Variants in FOXK2 observed in about 807,000 individuals in gnomAD.
The protein encoded by FOXK2 is forkhead box protein K2.
Under a neutral mutation model 53.3 loss-of-function variants are expected in FOXK2, and 24 were observed. That is an observed-to-expected ratio of 0.45 (90% CI 0.33 to 0.63). The LOEUF (loss-of-function observed/expected upper bound fraction) is 0.63, where lower values mean the gene tolerates loss of function less well. Among genes scored for constraint, FOXK2 ranks in the 30% least tolerant of loss-of-function variants. The pLI is 0.03. For synonymous variants in FOXK2, 505 were observed against 407.1 expected, an observed-to-expected ratio of 1.24 and a Z score of -2.89; for missense variants, 952 against 910.5, an observed-to-expected ratio of 1.05 and a Z score of -0.59.
intron 7 of FOXK2, among the ~76,000 whole-genome samples, 163 bp downstream of exon 7, chr17:82,586,363 A>T (rs113828814): frequency 2.9e-4 from 30 of 104,214 alleles, no homozygotes; most frequent in African/African-American, 4.2e-4. Context: ...CGGAGGGGAA[A>T]GGAGGAGAGG....
At chr17:82,583,989 A>G (rs1370628923) in intron 5 of FOXK2, 24 bp from the exon 6 acceptor site, 1 of 1,566,232 alleles carries the variant, frequency 6.4e-7, no homozygotes, top group East Asian at 2.3e-5. Context: ...GTAACCATGC[A>G]ATGTCTTCTT....
chr17:82,534,586 C>T (rs2044503060), intron 1 of FOXK2, among the ~76,000 whole-genome samples: 1 of 152,120 alleles, frequency 6.6e-6, no homozygotes, highest in African/African-American at 2.4e-5. Context: ...TGGAGGAGAC[C>T]CTCCTGGGAC....
chr17:82,527,078 A>T (rs577392598), intron 1 of FOXK2, among the ~76,000 whole-genome samples: 1 of 152,224 alleles, frequency 6.6e-6, no homozygotes, highest in East Asian at 1.9e-4. Context: ...CAAGCTTGTG[A>T]GTGGAGCTGA....
At chr17:82,592,326 C>T (rs1377223129) in intron 8 of FOXK2, among the ~76,000 whole-genome samples, 1 of 152,222 alleles carries the variant, frequency 6.6e-6, no homozygotes, top group African/African-American at 2.4e-5. Flanking sequence ...CATATTGACT[C>T]CTCCGGCCTC....
chr17:82,522,922 G>A lies in FOXK2; in HGVS notation c.419+2615G>A, dbSNP rs145284926. On this transcript the variant is annotated intron_variant, in intron 1 of 8. Coordinates refer to ENST00000335255, the MANE Select transcript of FOXK2 (RefSeq NM_004514.4). ...CAATTCTTGTGCCTCAGCCTCCTGA[G>A]TAGCTGGGATTACAGGCACACGCCA... Among the ~76,000 whole-genome samples the A allele has an allele frequency of 9.7e-3, 1,477 of 152,196 alleles. 22 individuals carry two copies. Among genetic ancestry groups the A allele is most frequent in the African/African-American group, 0.033 (1,375 of 41,506 alleles).
At chr17:82,536,690 C>G (rs1032692124) in intron 1 of FOXK2, among the ~76,000 whole-genome samples, 28 of 152,164 alleles carry the variant, frequency 1.8e-4, no homozygotes, top group African/African-American at 6.3e-4. Flanking sequence ...AGCTCGAGGC[C>G]GAGGAGGTCT....
chr17:82,537,082 T>C (rs980025456), intron 1 of FOXK2, among the ~76,000 whole-genome samples: 3 of 152,124 alleles, frequency 2.0e-5, no homozygotes, highest in Non-Finnish European at 4.4e-5. Context: ...AGCGGTTGGT[T>C]GTAGAAGGTT....
chr17:82,591,108 G>A (rs112412580), intron 8 of FOXK2, among the ~76,000 whole-genome samples: 9 of 152,296 alleles, frequency 5.9e-5, no homozygotes, highest in South Asian at 4.1e-4. Flanking sequence ...AGGATGTTCC[G>A]GCCATGCACT....
intron 8 of FOXK2, chr17:82,595,873 T>C: frequency 7.8e-7 from 1 of 1,287,214 alleles, no homozygotes; most frequent in South Asian, 1.2e-5. Flanking sequence ...GACCAGCAGG[T>C]GCTTCTGGAG....
intron 2 of FOXK2, among the ~76,000 whole-genome samples, chr17:82,563,909 G>A (rs1266310184): frequency 1.4e-5 from 2 of 143,450 alleles, no homozygotes; most frequent in Non-Finnish European, 3.1e-5. Context: ...CCACCACCAC[G>A]CCCACCTAAT....
In FOXK2 at chr17:82,556,010, A is replaced by G. The variant is rs544587003; in HGVS notation, c.420-7344A>G. ...CCACATTTTGCTCATTTCTACATCCATCTGCATGGACGGCTTTTATTTTTT... is the reference window on the plus strand; with the variant it reads ...CCACATTTTGCTCATTTCTACATCCGTCTGCATGGACGGCTTTTATTTTTT... On this transcript the variant is annotated intron_variant, in intron 1 of 8. Transcript: ENST00000335255. Among the ~76,000 whole-genome samples the G allele has an allele frequency of 7.3e-5, 11 of 151,494 alleles. No homozygotes were observed. The Middle Eastern group carries it at 0.014, about 193-fold the overall frequency.
At chr17:82,571,902 G>A in intron 4 of FOXK2, 32 bp downstream of exon 4, 2 of 1,510,080 alleles carry the variant, frequency 1.3e-6, no homozygotes, top group South Asian at 1.3e-5. Context: ...TTAAATAGAG[G>A]CTGATGGATA....
chr17:82,519,903 G>A lies in FOXK2; in HGVS notation c.15G>A (p.Ala5=). 1.0e-6 allele frequency: 1 copy of A among 978,222 alleles called. No homozygotes were observed. Among genetic ancestry groups the A allele is most frequent in the Non-Finnish European group, 1.2e-6 (1 of 827,154 alleles). The allele number at this position is 978,222 out of a possible 1,614,324, so 60.6% of individuals were successfully genotyped here. ...CACGCAGGCCCATGGCGGCGGCCGC[G>A]GCGGCGCTCTCGGGCGCGGGCACGC... MAAA[A]AALSGAGTPP... is the part of the protein sequence containing the mutation. Residue 5 remains alanine, a synonymous_variant, in exon 1 of 9, where the codon GCG becomes GCA. Coordinates refer to ENST00000335255, the MANE Select transcript of FOXK2 (RefSeq NM_004514.4).
At chr17:82,537,786 G>A (rs1446949342) in intron 1 of FOXK2, among the ~76,000 whole-genome samples, 1 of 151,862 alleles carries the variant, frequency 6.6e-6, no homozygotes, top group African/African-American at 2.4e-5. Flanking sequence ...GCCGGGCGTG[G>A]TGGTACACGC....
chr17:82,596,001 A>G lies in FOXK2; in HGVS notation c.1787-5302A>G, dbSNP rs980485739. On this transcript the variant is annotated intron_variant, in intron 8 of 8. Coordinates refer to ENST00000335255, the MANE Select transcript of FOXK2 (RefSeq NM_004514.4). Reference sequence around the variant, plus strand: ...TCCGAGTCAGCGTAGGAGAAAGGCCACTGGAAACCAGAGTCACACTGCGCG... The same window carrying G: ...TCCGAGTCAGCGTAGGAGAAAGGCCGCTGGAAACCAGAGTCACACTGCGCG... 1.0e-5 allele frequency: 12 copies of G among 1,157,918 alleles called. No individual in the cohort carries two copies. In the Admixed American group the frequency reaches 1.1e-4, roughly 11 times the overall value. The allele number at this position is 1,157,918 out of a possible 1,614,324, so 71.7% of individuals were successfully genotyped here.
chr17:82,530,741 T>C (rs974958434), intron 1 of FOXK2, among the ~76,000 whole-genome samples: 7 of 152,130 alleles, frequency 4.6e-5, no homozygotes, highest in Non-Finnish European at 8.8e-5. Context: ...AACTCCTGAC[T>C]GCAGGTGATT....
intron 5 of FOXK2, among the ~76,000 whole-genome samples, chr17:82,583,781 G>A (rs903367038): frequency 6.6e-6 from 1 of 152,220 alleles, no homozygotes; most frequent in Admixed American, 6.5e-5. Context: ...GCCGTGCCGC[G>A]TATGTGGGTG....
chr17:82,581,991 C>T (rs1281186092), intron 4 of FOXK2, among the ~76,000 whole-genome samples: 2 of 152,162 alleles, frequency 1.3e-5, no homozygotes, highest in African/African-American at 4.8e-5. Flanking sequence ...TCCTCTCTTC[C>T]TGGAAGATGG....
chr17:82,571,375 C>T (rs1416797839), intron 3 of FOXK2, among the ~76,000 whole-genome samples: 4 of 152,228 alleles, frequency 2.6e-5, no homozygotes, highest in Admixed American at 6.5e-5. Flanking sequence ...CCGAGGCAGG[C>T]GGATCACCTG....
Sources: allele counts gnomAD v4.1 joint callset (sites outside exome capture counted in the v4.1 genomes callset), GRCh38; gene constraint gnomAD v4.1.1; transcripts MANE v1.5; gene names NCBI Gene and HGNC (gene_info 2026-07-23, HGNC 2026-07-21).